The following TTC39B variants were observed in gnomAD, a reference collection of about 807,000 sequenced individuals.
The protein encoded by TTC39B is tetratricopeptide repeat protein 39B.
In TTC39B, 92 loss-of-function variants were observed where a neutral mutation model predicts 96.6. That is an observed-to-expected ratio of 0.95 (90% confidence interval 0.80 to 1.13). The LOEUF is 1.13. Ranked by LOEUF, TTC39B falls within the 50% of genes most tolerant of loss-of-function variation. The pLI, the probability that TTC39B is intolerant of heterozygous loss-of-function variation, is 0.00. For synonymous variants in TTC39B, 367 were observed against 299.4 expected (o/e 1.23, Z -2.33); for missense variants, 955 against 809.3 (o/e 1.18, Z -2.18).
intron 15 of TTC39B, among the ~76,000 whole-genome samples, chr9:15,186,185 C>T (rs1284186702): frequency 6.6e-6 from 1 of 152,106 alleles, no homozygotes; most frequent in Non-Finnish European, 1.5e-5. Flanking sequence ...AATAATATGC[C>T]TCCAATATGA....
At chr9:15,265,246 G>A (rs937115136) in intron 2 of TTC39B, among the ~76,000 whole-genome samples, 3 of 152,112 alleles carry the variant, frequency 2.0e-5, no homozygotes, top group African/African-American at 7.2e-5. Context: ...GGTCCCAAAG[G>A]TAAAGCCACT....
At chr9:15,247,866 AGG>A (rs946735102) in intron 2 of TTC39B, among the ~76,000 whole-genome samples, 6 of 150,978 alleles carry the variant, frequency 4.0e-5, no homozygotes, top group Admixed American at 3.3e-4. Context: ...AAAAAAAACG[AGG>A]GGGCTCCCCC....
exon 20 of TTC39B, chr9:15,167,022 A>ATT (rs1564299968): frequency 1.1e-3 from 10 of 9,292 alleles, no homozygotes; most frequent in Non-Finnish European, 1.5e-3. Context: ...ATATATATAT[A>ATT]TATATATTTT....
chr9:15,215,194 T>C (rs1176902855), intron 3 of TTC39B, among the ~76,000 whole-genome samples: 1 of 152,190 alleles, frequency 6.6e-6, no homozygotes, highest in Admixed American at 6.5e-5. Flanking sequence ...GTGGCTGTAG[T>C]GAGCCATGAT....
At chr9:15,243,815 G>C (rs1042968123) in intron 2 of TTC39B, among the ~76,000 whole-genome samples, 1 of 152,208 alleles carries the variant, frequency 6.6e-6, no homozygotes, top group East Asian at 1.9e-4. Context: ...GAGGCTGAGA[G>C]GACAGCCTAA....
chr9:15,174,148 T>A (rs751268733), intron 19 of TTC39B, among the ~76,000 whole-genome samples: 2 of 152,202 alleles, frequency 1.3e-5, no homozygotes, highest in Non-Finnish European at 2.9e-5. Flanking sequence ...ATATTATAAA[T>A]CTCAGCAAAC....
chr9:15,251,452 C>T (rs1477258559), intron 2 of TTC39B, among the ~76,000 whole-genome samples: 1 of 151,614 alleles, frequency 6.6e-6, no homozygotes, highest in Non-Finnish European at 1.5e-5. Context: ...ATCCCAGCTA[C>T]TAGGGAGGCT....
chr9:15,224,070 A>C (rs371951159), intron 3 of TTC39B, among the ~76,000 whole-genome samples: 1 of 152,072 alleles, frequency 6.6e-6, no homozygotes, highest in Non-Finnish European at 1.5e-5. Context: ...AACTCCCTCA[A>C]TCTTGCTTTC....
rs114683347 is a variant in TTC39B, at chr9:15,255,594, A to G, written c.275+12320T>C. Among the ~76,000 whole-genome samples the G allele has an allele frequency of 4.3e-3, 655 of 152,294 alleles. 3 individuals are homozygous for G. Among genetic ancestry groups the G allele is most frequent in the African/African-American group, 0.015 (626 of 41,562 alleles). ...GGAATGGATGAAGGCGTCAGAAAAA[A>G]AAAAAGGATGTCAGGTGAAACAGGG... On this transcript the variant is annotated intron_variant, in intron 2 of 19. Transcript: ENST00000512701.
At chr9:15,302,539 CAAA>C (rs145173046) in intron 1 of TTC39B, among the ~76,000 whole-genome samples, 202 of 46,750 alleles carry the variant, frequency 4.3e-3, no homozygotes, top group African/African-American at 0.017. Flanking sequence ...GATTCCGTCT[CAAA>C]AAAAAAAAAA....
chr9:15,259,517 G>C (rs1822871775), intron 2 of TTC39B, among the ~76,000 whole-genome samples: 1 of 152,148 alleles, frequency 6.6e-6, no homozygotes, highest in Non-Finnish European at 1.5e-5. Flanking sequence ...GTTTATAGCA[G>C]CATTATTCAC....
chr9:15,280,865 C>T (rs1234255920), intron 1 of TTC39B, among the ~76,000 whole-genome samples: 1 of 152,208 alleles, frequency 6.6e-6, no homozygotes. Context: ...TCTCTCAGGG[C>T]TCCCCCTACC....
At chr9:15,242,403 G>A (rs1822084727) in intron 2 of TTC39B, among the ~76,000 whole-genome samples, 1 of 152,074 alleles carries the variant, frequency 6.6e-6, no homozygotes, top group Non-Finnish European at 1.5e-5. Context: ...GCAACATAGG[G>A]AGACCCCATC....
chr9:15,281,569 A>C (rs900214871), intron 1 of TTC39B, among the ~76,000 whole-genome samples: 1 of 143,912 alleles, frequency 6.9e-6, no homozygotes, highest in Non-Finnish European at 1.5e-5. Flanking sequence ...TCTACATATT[A>C]ATTTCTGCTA....
At chr9:15,166,429 A>G (rs373671650) in exon 20 of TTC39B, 22 of 152,354 alleles carry the variant, frequency 1.4e-4, no homozygotes, top group African/African-American at 4.6e-4. Context: ...GAACCTGCTC[A>G]GCCATCTCAG....
At chr9:15,251,770 G>T (rs1238014130) in intron 2 of TTC39B, among the ~76,000 whole-genome samples, 1 of 137,938 alleles carries the variant, frequency 7.2e-6, no homozygotes, top group Non-Finnish European at 1.6e-5. Flanking sequence ...ACAGCTAAAT[G>T]TATTTTTGAT....
chr9:15,277,148 G>T (rs746614638), intron 1 of TTC39B, among the ~76,000 whole-genome samples: 5 of 152,186 alleles, frequency 3.3e-5, no homozygotes, highest in Admixed American at 6.5e-5. Context: ...TAATTTATGG[G>T]CTGGGCGCAG....
chr9:15,305,126 G>C (rs1414183435), intron 1 of TTC39B, among the ~76,000 whole-genome samples: 1 of 152,186 alleles, frequency 6.6e-6, no homozygotes, highest in Non-Finnish European at 1.5e-5. Flanking sequence ...CTCGAGGTTA[G>C]AGTTCTTCAA....
chr9:15,219,578 C>G (rs1328685695), intron 3 of TTC39B, among the ~76,000 whole-genome samples: 3 of 152,172 alleles, frequency 2.0e-5, no homozygotes, highest in African/African-American at 4.8e-5. Flanking sequence ...CCAAGAGGTG[C>G]CCTCCCTGTA....
Sources: gnomAD v4.1 joint callset for allele counts (sites outside exome capture counted in the v4.1 genomes callset) on GRCh38, gnomAD v4.1.1 for gene constraint, MANE v1.5 for transcripts, NCBI Gene and HGNC (gene_info 2026-07-23, HGNC 2026-07-21) for gene names.